The following LIM2 variants were observed in gnomAD, a reference collection of about 807,000 sequenced individuals.
LIM2 encodes the protein lens intrinsic membrane protein 2.
LIM2 carries 14 observed loss-of-function variants against 19.0 expected under a neutral mutation model. That is an observed-to-expected ratio of 0.74 (90% CI 0.49 to 1.15). The LOEUF is 1.15. LIM2 is among the 50% of genes most tolerant of loss of function. The pLI is 0.00. For missense variants in LIM2, 230 were observed against 243.5 expected (o/e 0.94, Z 0.37); for synonymous variants, 78 against 89.6 (o/e 0.87, Z 0.73).
At chr19:51,380,721 G>T (rs1352955972) in intron 3 of LIM2, 82 bp from the exon 4 acceptor site, 2 of 1,522,390 alleles carry the variant, frequency 1.3e-6, no homozygotes, top group East Asian at 4.7e-5. Flanking sequence ...GATGATGGGG[G>T]TGGGAACTAA....
rs756769538 is a variant in LIM2 at position 51,379,959 on chromosome 19, TC to T, written c.*241del. Reference sequence around the variant, plus strand: ...CCCAGAAAGTTGCTCTAATGGATAGTCCATTTTTCTAACAACCTGCCAGGCA... The same window carrying T: ...CCCAGAAAGTTGCTCTAATGGATAGTCATTTTTCTAACAACCTGCCAGGCA... On this transcript the variant is annotated 3_prime_UTR_variant, in exon 5 of 5. Transcript: ENST00000596399. The T allele has an allele frequency of 1.7e-6, 1 of 595,284 alleles. No homozygotes were observed. The highest frequency in any genetic ancestry group is 3.0e-6 in the Non-Finnish European group (1 of 334,368). 36.9% of individuals were successfully genotyped at this position (595,284 alleles called of 1,614,324 possible).
intron 2 of LIM2, chr19:51,387,052 TC>T: frequency 1.2e-6 from 1 of 847,998 alleles, no homozygotes; most frequent in Non-Finnish European, 2.0e-6. Context: ...ATGCCACCTC[TC>T]CCAACTTAAC....
At chr19:51,384,418 G>A (rs959405977) in intron 2 of LIM2, among the ~76,000 whole-genome samples, 3 of 152,098 alleles carry the variant, frequency 2.0e-5, no homozygotes, top group African/African-American at 4.8e-5. Context: ...GTGGCAGAGC[G>A]AGACTCCAAC....
intron 2 of LIM2, among the ~76,000 whole-genome samples, chr19:51,385,592 C>T (rs1987018136): frequency 6.6e-6 from 1 of 152,126 alleles, no homozygotes; most frequent in African/African-American, 2.4e-5. Flanking sequence ...TCCCTGTCTC[C>T]TGCATCCCTG....
At chr19:51,386,885 T>C (rs1987067626) in intron 2 of LIM2, among the ~76,000 whole-genome samples, 1 of 152,136 alleles carries the variant, frequency 6.6e-6, no homozygotes, top group Non-Finnish European at 1.5e-5. Flanking sequence ...ACATTATAAG[T>C]AGGCAAAAAT....
chr19:51,387,392 G>A lies in LIM2; in HGVS notation c.52C>T (p.Leu18Phe), dbSNP rs745837486. 4.3e-6 allele frequency: 7 copies of A among 1,614,222 alleles called. No homozygotes were observed. The highest frequency in any genetic ancestry group is 5.9e-6 in the Non-Finnish European group (7 of 1,180,048). Residue 18 changes from leucine (L) to phenylalanine (F), a missense_variant, in exon 2 of 5, where the codon CTC (leucine) becomes TTC (phenylalanine). Transcript: ENST00000596399. ...GLFCAWVGTI[L>F]LVVAMATDHW... Reference sequence around the variant, plus strand: ...TCTGTTGCCATGGCCACCACCAGGAGGATGGTCCCCACCCAGGCACAGAAC... The same window carrying A: ...TCTGTTGCCATGGCCACCACCAGGAAGATGGTCCCCACCCAGGCACAGAAC...
At chr19:51,387,641 G>A (rs1987112950) in intron 1 of LIM2, among the ~76,000 whole-genome samples, 192 bp from the exon 2 acceptor site, 1 of 152,006 alleles carries the variant, frequency 6.6e-6, no homozygotes, top group Non-Finnish European at 1.5e-5. Context: ...AGGATGGTAG[G>A]GATCCTGGAA....
chr19:51,381,980 G>A (rs909663837), intron 3 of LIM2, among the ~76,000 whole-genome samples: 4 of 152,216 alleles, frequency 2.6e-5, no homozygotes, highest in Non-Finnish European at 4.4e-5. Context: ...CACCTGCCTC[G>A]GCCTCCCAAA....
Position 51,382,563 on chromosome 19 carries a change from G to C in LIM2, c.180C>G (p.Tyr60Ter), listed in dbSNP as rs1308991717. 1 of 1,613,292 alleles carries C rather than the reference G, an allele frequency of 6.2e-7. No homozygotes were observed. Among genetic ancestry groups the C allele is most frequent in the African/African-American group, 1.3e-5 (1 of 74,866 alleles). The change falls in exon 3 of 5, where the codon TAC becomes TAG. Residue 60 changes from tyrosine to a stop codon, truncating the protein, a stop_gained. Transcript: ENST00000596399. LOFTEE classifies it high-confidence loss of function. ...TCATGAAGGCCCGGGTGGCATTCCA[G>C]TATGCTGTGGGAGCACCCCATGGTC... ...KCYLQTDSIA[Y>*]WNATRAFMIL...
chr19:51,380,490 C>T lies in LIM2; in HGVS notation c.460+15G>A. 6.2e-7 allele frequency: 1 copy of T among 1,614,192 alleles called. No individual in the cohort carries two copies. Among genetic ancestry groups the T allele is most frequent in the Non-Finnish European group, 8.5e-7 (1 of 1,180,042 alleles). ...TGCCCCAGGCACTGACCTTCCCACC[C>T]CTTGCCCCCAGTACCTGCGAAGAAC... On this transcript the variant is annotated intron_variant, in intron 4 of 4. Coordinates refer to ENST00000596399, the MANE Select transcript of LIM2 (RefSeq NM_001161748.2).
intron 2 of LIM2, among the ~76,000 whole-genome samples, chr19:51,384,103 C>T (rs1414074775): frequency 3.9e-5 from 6 of 152,020 alleles, no homozygotes; most frequent in South Asian, 2.1e-4. Context: ...TTAGTTAAGA[C>T]GAGATCATGC....
At position 51,387,448 on chromosome 19, in the gene LIM2, A is replaced by G. The variant is rs966624497; in HGVS notation, c.-5T>C. On this transcript the variant is annotated splice_region_variant and 5_prime_UTR_variant, in exon 2 of 5. Transcript: ENST00000596399. ...ACCACCCATGAAGCTGTACATGGTG[A>G]TCTGTGGGGAAGGGGAGAGATGGGA... The G allele has an allele frequency of 1.5e-5, 25 of 1,613,422 alleles. 1 individual carries two copies.
intron 1 of LIM2, 100 bp from the exon 2 acceptor site, chr19:51,387,549 T>C: frequency 2.0e-6 from 3 of 1,536,680 alleles, no homozygotes; most frequent in Non-Finnish European, 2.6e-6. Context: ...GCCAAGTGCT[T>C]GGGAGAAGGA....
chr19:51,380,068 C>G lies in LIM2; in HGVS notation c.*133G>C, dbSNP rs1469876890. The G allele has an allele frequency of 1.2e-6, 1 of 836,052 alleles. No homozygotes were observed. Among genetic ancestry groups the G allele is most frequent in the Non-Finnish European group, 2.0e-6 (1 of 501,256 alleles). The allele number at this position is 836,052 out of a possible 1,614,324, so 51.8% of individuals were successfully genotyped here. Reference sequence around the variant, plus strand: ...GCCTAGGACCAGGAGTCAGCCTCCCCCCACAAACCCACAGTCCAGAACTGA... The same window carrying G: ...GCCTAGGACCAGGAGTCAGCCTCCCGCCACAAACCCACAGTCCAGAACTGA... On this transcript the variant is annotated 3_prime_UTR_variant, in exon 5 of 5. Coordinates refer to ENST00000596399, the MANE Select transcript of LIM2 (RefSeq NM_001161748.2).
At chr19:51,382,856 T>A (rs1986934487) in intron 2 of LIM2, among the ~76,000 whole-genome samples, 1 of 151,882 alleles carries the variant, frequency 6.6e-6, no homozygotes. Context: ...GCCTGATTGC[T>A]CCTTGAAGAC....
chr19:51,381,080 T>C (rs150678820), intron 3 of LIM2, among the ~76,000 whole-genome samples: 45 of 151,836 alleles, frequency 3.0e-4, no homozygotes, highest in African/African-American at 8.5e-4. Flanking sequence ...GGAGGCTGAG[T>C]AGGGTGGATC....
At chr19:51,383,290 C>G (rs926721341) in intron 2 of LIM2, among the ~76,000 whole-genome samples, 2 of 152,134 alleles carry the variant, frequency 1.3e-5, no homozygotes, top group East Asian at 3.9e-4. Flanking sequence ...CTGCCTTGGC[C>G]TCCCAAAGTG....
intron 2 of LIM2, among the ~76,000 whole-genome samples, chr19:51,385,562 C>G (rs75685070): frequency 0.017 from 2,632 of 152,090 alleles, 80 homozygotes; most frequent in African/African-American, 0.059. Context: ...AACGAAAAAA[C>G]GAAAGACCTT....
chr19:51,386,313 C>T (rs1428775939), intron 2 of LIM2, among the ~76,000 whole-genome samples: 2 of 150,492 alleles, frequency 1.3e-5, no homozygotes, highest in Non-Finnish European at 3.0e-5. Context: ...TAGTAGAGAC[C>T]GGGTTTCACC....
Sources: allele counts gnomAD v4.1 joint callset (sites outside exome capture counted in the v4.1 genomes callset), GRCh38; gene constraint gnomAD v4.1.1; transcripts MANE v1.5; gene names NCBI Gene and HGNC (gene_info 2026-07-23, HGNC 2026-07-21).